Variants in DGKI observed in about 807,000 individuals in gnomAD.
DGKI encodes DAG kinase iota.
In DGKI, 55 loss-of-function variants were observed where a neutral mutation model predicts 147.5. The ratio of observed to expected loss-of-function variants is 0.37; its 90% CI spans 0.30 to 0.47. DGKI has a LOEUF of 0.47. Among genes scored for constraint, DGKI ranks in the 20% least tolerant of loss-of-function variants. The pLI is 1.00. For missense variants in DGKI, 1,007 were observed against 1,323.8 expected (o/e 0.76, Z 3.71); for synonymous variants, 469 against 477.1 (o/e 0.98, Z 0.22).
At chr7:137,685,155 T>TAAAGG (rs903209167) in intron 2 of DGKI, among the ~76,000 whole-genome samples, 20 of 152,218 alleles carry the variant, frequency 1.3e-4, no homozygotes, top group Middle Eastern at 3.4e-3. Context: ...CATCGTCAAC[T>TAAAGG]AAAGGAAAGG....
chr7:137,427,572 G>A (rs1812870092), intron 28 of DGKI, among the ~76,000 whole-genome samples: 3 of 152,136 alleles, frequency 2.0e-5, no homozygotes, highest in African/African-American at 4.8e-5. Context: ...GAAGGAAATA[G>A]TGACACAAAA....
At chr7:137,574,958 A>T (rs1026196679) in intron 17 of DGKI, among the ~76,000 whole-genome samples, 10 of 152,212 alleles carry the variant, frequency 6.6e-5, no homozygotes, top group Non-Finnish European at 1.2e-4. Flanking sequence ...TTGGGGAGAC[A>T]TCTAATCACT....
chr7:137,545,941 C>T lies in DGKI; in HGVS notation c.2147+6428G>A, dbSNP rs941640814. 46 of 702,566 alleles carry T rather than the reference C, an allele frequency of 6.5e-5. 1 individual carries two copies. Among genetic ancestry groups the T allele is most frequent in the Admixed American group, 3.2e-4 (16 of 49,954 alleles). The allele number at this position is 702,566 out of a possible 1,614,324, so 43.5% of individuals were successfully genotyped here. A position where few individuals can be genotyped will look rare whatever the true frequency, so the allele number is the denominator to read the frequency against. On this transcript the variant is annotated intron_variant, in intron 20 of 32. Coordinates refer to ENST00000614521, the MANE Select transcript of DGKI (RefSeq NM_001321708.2). ...GGGGAGCAGACACTCGCCGCAGGTCCGCAGTTTGCACCTGATGAATACTAG... is the reference window on the plus strand; with the variant it reads ...GGGGAGCAGACACTCGCCGCAGGTCTGCAGTTTGCACCTGATGAATACTAG...
At chr7:137,620,391 T>G (rs1161603169) in intron 7 of DGKI, among the ~76,000 whole-genome samples, 1 of 152,150 alleles carries the variant, frequency 6.6e-6, no homozygotes, top group Non-Finnish European at 1.5e-5. Context: ...AAGATAACGT[T>G]AAGAAGGAAA....
intron 20 of DGKI, among the ~76,000 whole-genome samples, chr7:137,522,714 T>A (rs1199405054): frequency 6.6e-6 from 1 of 152,132 alleles, no homozygotes; most frequent in East Asian, 1.9e-4. Flanking sequence ...CCCAAATGTC[T>A]GTAACTCGAC....
At position 137,390,917 on chromosome 7, in the gene DGKI, A is replaced by G. The variant is rs1811336807; in HGVS notation, c.*303T>C. 2.9e-6 allele frequency: 1 copy of G among 350,148 alleles called. No homozygotes were observed. Among genetic ancestry groups the G allele is most frequent in the Admixed American group, 4.5e-5 (1 of 22,040 alleles). The allele number at this position is 350,148 out of a possible 1,614,324, so 21.7% of individuals were successfully genotyped here. ...ATACGAACATCCTTTGAATCTTTAA[A>G]ATAAATTATACAGGTGAACACAGAA... On this transcript the variant is annotated 3_prime_UTR_variant, in exon 33 of 33. Coordinates refer to ENST00000614521, the MANE Select transcript of DGKI (RefSeq NM_001321708.2).
intron 1 of DGKI, among the ~76,000 whole-genome samples, chr7:137,806,160 G>A (rs970424286): frequency 2.6e-5 from 4 of 152,186 alleles, no homozygotes; most frequent in African/African-American, 4.8e-5. Flanking sequence ...GCTTTAGAAG[G>A]CAGGGGAAAC....
intron 1 of DGKI, among the ~76,000 whole-genome samples, chr7:137,720,866 G>A (rs1585407777): frequency 6.6e-6 from 1 of 152,138 alleles, no homozygotes; most frequent in Admixed American, 6.5e-5. Context: ...AATGAGACAA[G>A]ACAAAAAAGC....
At chr7:137,553,038 C>T (rs979247482) in intron 19 of DGKI, among the ~76,000 whole-genome samples, 6 of 152,288 alleles carry the variant, frequency 3.9e-5, no homozygotes, top group South Asian at 4.1e-4. Flanking sequence ...CCTGGATAAA[C>T]CATTAATGCA....
At chr7:137,612,070 T>C (rs1406065114) in intron 8 of DGKI, among the ~76,000 whole-genome samples, 2 of 152,168 alleles carry the variant, frequency 1.3e-5, no homozygotes, top group Non-Finnish European at 2.9e-5. Flanking sequence ...ACTTGTCTGA[T>C]CGTAGAACTC....
At chr7:137,830,717 G>C (rs1202954855) in intron 1 of DGKI, among the ~76,000 whole-genome samples, 1 of 152,208 alleles carries the variant, frequency 6.6e-6, no homozygotes, top group African/African-American at 2.4e-5. Flanking sequence ...TCGAAGACCT[G>C]TTATACAGAA....
At position 137,696,461 on chromosome 7, in the gene DGKI, T is replaced by TTTTTTTTTTTTTG. The variant is rs1554459920; in HGVS notation, c.402-6460_402-6459insCAAAAAAAAAAAA. ...TTTTTTTTTTTTTTTTTTTTTTTTT[T>TTTTTTTTTTTTTG]TTGCTTAATGTGTAAAAATGGCCTG... is the stretch of plus-strand genomic sequence containing the variant. On this transcript the variant is annotated intron_variant, in intron 1 of 32. Coordinates refer to ENST00000614521, the MANE Select transcript of DGKI (RefSeq NM_001321708.2). 2.0e-4 allele frequency among the ~76,000 whole-genome samples: 22 copies of TTTTTTTTTTTTTG among 109,144 alleles called. 2 individuals are homozygous for TTTTTTTTTTTTTG. Among genetic ancestry groups the TTTTTTTTTTTTTG allele is most frequent in the East Asian group, 1.3e-3 (4 of 2,992 alleles). 71.6% of individuals were successfully genotyped at this position (109,144 alleles called of 152,430 possible).
chr7:137,597,500 C>T (rs1463604504), intron 12 of DGKI, among the ~76,000 whole-genome samples: 1 of 151,938 alleles, frequency 6.6e-6, no homozygotes, highest in East Asian at 1.9e-4. Context: ...TTTCTCCCTA[C>T]TGTGGCCAAA....
chr7:137,600,185 T>C (rs887828498), intron 10 of DGKI, among the ~76,000 whole-genome samples: 1 of 150,594 alleles, frequency 6.6e-6, no homozygotes, highest in African/African-American at 2.4e-5. Flanking sequence ...GGAGGCGGAG[T>C]GTGCAGTGAG....
chr7:137,531,735 A>C (rs1189078253), intron 20 of DGKI, among the ~76,000 whole-genome samples: 2 of 152,192 alleles, frequency 1.3e-5, no homozygotes, highest in African/African-American at 4.8e-5. Flanking sequence ...CTTATTTGCA[A>C]CCGATAAATT....
chr7:137,817,036 T>C (rs545565938), intron 1 of DGKI, among the ~76,000 whole-genome samples: 1 of 152,328 alleles, frequency 6.6e-6, no homozygotes, highest in South Asian at 2.1e-4. Context: ...ATTTAAGTGA[T>C]AAACACTGTT....
intron 27 of DGKI, among the ~76,000 whole-genome samples, chr7:137,444,831 C>G (rs1240647617): frequency 6.6e-6 from 1 of 152,192 alleles, no homozygotes; most frequent in Admixed American, 6.6e-5. Context: ...TAGTATAGAC[C>G]TAAGTTTGGA....
chr7:137,583,212 T>G (rs1257869361), intron 14 of DGKI, among the ~76,000 whole-genome samples: 1 of 151,988 alleles, frequency 6.6e-6, no homozygotes, highest in Non-Finnish European at 1.5e-5. Context: ...TGATTCAGAG[T>G]CCAAGTGAGC....
intron 20 of DGKI, among the ~76,000 whole-genome samples, chr7:137,525,610 T>C (rs1345396165): frequency 2.6e-5 from 4 of 152,130 alleles, no homozygotes; most frequent in East Asian, 1.9e-4. Flanking sequence ...ATTTTCCTCA[T>C]AGGTAAAGTG....
Sources: gnomAD v4.1 joint callset for allele counts (sites outside exome capture counted in the v4.1 genomes callset) on GRCh38, gnomAD v4.1.1 for gene constraint, MANE v1.5 for transcripts, NCBI Gene and HGNC (gene_info 2026-07-23, HGNC 2026-07-21) for gene names.